The following ATP6V1E2 variants were observed in gnomAD, a reference collection of about 807,000 sequenced individuals.
The protein encoded by ATP6V1E2 is V-type proton ATPase subunit E 2.
For synonymous variants in ATP6V1E2, 121 were observed against 104.2 expected, an observed-to-expected ratio of 1.16 and a Z score of -0.98; for missense variants, 308 against 273.3, an observed-to-expected ratio of 1.13 and a Z score of -0.90.
intron 2 of ATP6V1E2, chr2:46,537,584 A>G (rs1667511536): frequency 6.6e-6 from 1 of 151,400 alleles, no homozygotes; most frequent in Admixed American, 6.6e-5. Context: ...AAACTGAGAG[A>G]TGTGCAGAAA....
At chr2:46,536,456 G>T (rs1667449395) in intron 3 of ATP6V1E2, among the ~76,000 whole-genome samples, 155 bp downstream of exon 3, 1 of 152,226 alleles carries the variant, frequency 6.6e-6, no homozygotes, top group Admixed American at 6.5e-5. Context: ...GGGTAGGTAG[G>T]GCATGTGGCA....
chr2:46,540,641 A>C (rs1164287584), intron 2 of ATP6V1E2, among the ~76,000 whole-genome samples: 4 of 53,682 alleles, frequency 7.5e-5, no homozygotes, highest in Non-Finnish European at 1.7e-4. Flanking sequence ...TTTTTTTTTT[A>C]CCACTTGGAC....
rs368862883 is a variant in ATP6V1E2, at chr2:46,512,321, C to T, written c.391G>A (p.Val131Met). Residue 131 changes from valine to methionine, a missense_variant, in exon 5 of 5, where the codon GTG (valine) becomes ATG (methionine). Coordinates refer to ENST00000522587, the MANE Select transcript of ATP6V1E2 (RefSeq NM_001318063.2). ...TGTGGCCGGCAGCGTACAATCATCA[C>T]AGGTTCCAGCAGTCGGAGCAGACCC... ...LQGLLRLLEP[V>M]MIVRCRPQDL... is the part of the protein sequence containing the mutation. 1.6e-5 allele frequency: 25 copies of T among 1,612,562 alleles called. No homozygotes were observed. The highest frequency in any genetic ancestry group is 3.3e-5 in the Admixed American group (2 of 59,850).
chr2:46,511,943 G>A lies in ATP6V1E2; in HGVS notation c.*88C>T, dbSNP rs1687474553. ...AACAGAACAGTATCAGAGCATCAAA[G>A]AGGAGGAAACACTACTAGTTTCCTT... On this transcript the variant is annotated 3_prime_UTR_variant, in exon 5 of 5. Transcript: ENST00000522587. The A allele has an allele frequency of 1.7e-6, 2 of 1,181,210 alleles. No homozygotes were observed. The highest frequency in any genetic ancestry group is 4.9e-5 in the Admixed American group (2 of 40,492). The allele number at this position is 1,181,210 out of a possible 1,614,324, so 73.2% of individuals were successfully genotyped here.
intron 4 of ATP6V1E2, among the ~76,000 whole-genome samples, chr2:46,520,933 G>A (rs1296233948): frequency 6.6e-6 from 1 of 151,988 alleles, no homozygotes; most frequent in East Asian, 1.9e-4. Flanking sequence ...GGCAATGTCT[G>A]GCTTAATGAA....
At chr2:46,525,483 A>AAAAAAG (rs1190774731) in intron 4 of ATP6V1E2, among the ~76,000 whole-genome samples, 1 of 149,192 alleles carries the variant, frequency 6.7e-6, no homozygotes, top group African/African-American at 2.5e-5. Flanking sequence ...AAAAGAAAAA[A>AAAAAAG]AAAAAAGAAA....
intron 4 of ATP6V1E2, among the ~76,000 whole-genome samples, chr2:46,522,129 T>C (rs1319987403): frequency 1.3e-5 from 2 of 149,862 alleles, no homozygotes; most frequent in East Asian, 3.9e-4. Flanking sequence ...CTCTACAAAT[T>C]TTTTTTTTTA....
At chr2:46,514,334 C>T (rs1170504592) in intron 4 of ATP6V1E2, among the ~76,000 whole-genome samples, 2 of 151,734 alleles carry the variant, frequency 1.3e-5, no homozygotes, top group African/African-American at 4.8e-5. Context: ...GCTTTTAAGG[C>T]CCCAACCCTA....
intron 4 of ATP6V1E2, among the ~76,000 whole-genome samples, chr2:46,526,854 T>C (rs1355849011): frequency 6.6e-6 from 1 of 152,202 alleles, no homozygotes; most frequent in Non-Finnish European, 1.5e-5. Context: ...TATAAATATC[T>C]GTTCAAAGAC....
intron 4 of ATP6V1E2, among the ~76,000 whole-genome samples, chr2:46,515,211 T>C (rs1292317657): frequency 6.6e-6 from 1 of 152,178 alleles, no homozygotes; most frequent in Non-Finnish European, 1.5e-5. Flanking sequence ...GATAAAGATA[T>C]TGGCAAATAC....
At chr2:46,527,361 A>C (rs1233389251) in intron 4 of ATP6V1E2, among the ~76,000 whole-genome samples, 1 of 152,142 alleles carries the variant, frequency 6.6e-6, no homozygotes, top group Non-Finnish European at 1.5e-5. Flanking sequence ...GGCTGGGACT[A>C]CAGGCACCTG....
intron 4 of ATP6V1E2, among the ~76,000 whole-genome samples, chr2:46,523,175 T>C (rs1270805700): frequency 6.6e-6 from 1 of 152,204 alleles, no homozygotes; most frequent in African/African-American, 2.4e-5. Context: ...TTTTCTCCCA[T>C]TCTGTAGGTT....
At chr2:46,515,819 GAGGGTGAAAGGATGGAAAA>G (rs1458594775) in intron 4 of ATP6V1E2, among the ~76,000 whole-genome samples, 3 of 152,230 alleles carry the variant, frequency 2.0e-5, no homozygotes, top group Non-Finnish European at 4.4e-5. Flanking sequence ...CACACAGGCT[GAGGGTGAAAGGATGGAAAA>G]ATATATTCCA....
At position 46,536,685 on chromosome 2, in the gene ATP6V1E2, T is replaced by A. The variant is rs1339969481; in HGVS notation, c.-291A>T. On this transcript the variant is annotated 5_prime_UTR_variant, in exon 3 of 5. Coordinates refer to ENST00000522587, the MANE Select transcript of ATP6V1E2 (RefSeq NM_001318063.2). Reference sequence around the variant, plus strand: ...AATTAGGGATTCAGTCAGTATGGACTCCTGTATTGACAATCCACCTGAAAT... The same window carrying A: ...AATTAGGGATTCAGTCAGTATGGACACCTGTATTGACAATCCACCTGAAAT... 6.6e-6 allele frequency: 1 copy of A among 152,220 alleles called. No individual in the cohort carries two copies. The highest frequency in any genetic ancestry group is 2.1e-4 in the South Asian group (1 of 4,830). The allele number at this position is 152,220 out of a possible 1,614,324, so 9.4% of individuals were successfully genotyped here.
intron 4 of ATP6V1E2, among the ~76,000 whole-genome samples, chr2:46,533,101 CTAACATTATAT>C (rs1667261239): frequency 8.2e-6 from 1 of 121,944 alleles, no homozygotes; most frequent in African/African-American, 2.9e-5. Flanking sequence ...CATTATATAT[CTAACATTATAT>C]TATATATCTA....
At chr2:46,522,930 G>T (rs6544899) in intron 4 of ATP6V1E2, among the ~76,000 whole-genome samples, 1 of 152,106 alleles carries the variant, frequency 6.6e-6, no homozygotes, top group South Asian at 2.1e-4. Flanking sequence ...TAATAATTGC[G>T]ATTCTGACTG....
intron 4 of ATP6V1E2, among the ~76,000 whole-genome samples, chr2:46,528,547 C>T (rs989677061): frequency 6.6e-6 from 1 of 152,214 alleles, no homozygotes; most frequent in Non-Finnish European, 1.5e-5. Context: ...GGGCAGGACT[C>T]CCTTCTCCCG....
intron 4 of ATP6V1E2, among the ~76,000 whole-genome samples, chr2:46,522,948 A>T (rs2103870060): frequency 6.6e-6 from 1 of 152,092 alleles, no homozygotes; most frequent in East Asian, 1.9e-4. Flanking sequence ...CTGGCATGAG[A>T]TGGTATCTCA....
intron 4 of ATP6V1E2, among the ~76,000 whole-genome samples, chr2:46,522,894 C>G (rs138340921): frequency 6.6e-6 from 1 of 152,198 alleles, no homozygotes; most frequent in Non-Finnish European, 1.5e-5. Flanking sequence ...TACGGCCTCA[C>G]TGGCATCTAT....
Sources: gnomAD v4.1 joint callset for allele counts (sites outside exome capture counted in the v4.1 genomes callset) on GRCh38, gnomAD v4.1.1 for gene constraint, MANE v1.5 for transcripts, NCBI Gene and HGNC (gene_info 2026-07-23, HGNC 2026-07-21) for gene names.